SYT9: variants seen among roughly 807,000 people sequenced by gnomAD.
SYT9 encodes the protein synaptotagmin-9.
Under a neutral mutation model 48.4 loss-of-function variants are expected in SYT9, and 22 were observed. The ratio of observed to expected loss-of-function variants is 0.45; its 90% CI spans 0.32 to 0.65. The LOEUF is 0.65. Ranked by LOEUF, SYT9 falls within the 30% of genes least tolerant of loss-of-function variation. The probability of loss-of-function intolerance (pLI) is 0.03; values close to 1 mark genes in which losing one functional copy is unlikely to be tolerated. For synonymous variants in SYT9, 265 were observed against 245.0 expected (o/e 1.08, Z -0.76); for missense variants, 577 against 622.0 (o/e 0.93, Z 0.77).
At chr11:7,448,032 C>A (rs992781571) in intron 6 of SYT9, among the ~76,000 whole-genome samples, 1 of 152,248 alleles carries the variant, frequency 6.6e-6, no homozygotes, top group Non-Finnish European at 1.5e-5. Flanking sequence ...GAAAAACACC[C>A]TCACCAACAG....
chr11:7,424,866 G>T (rs1257126887), intron 6 of SYT9, among the ~76,000 whole-genome samples: 1 of 152,146 alleles, frequency 6.6e-6, no homozygotes, highest in Non-Finnish European at 1.5e-5. Context: ...CCAGCTCATT[G>T]AGCCTCCTGC....
At chr11:7,253,836 C>T (rs1182191223) in intron 1 of SYT9, among the ~76,000 whole-genome samples, 2 of 152,140 alleles carry the variant, frequency 1.3e-5, no homozygotes, top group African/African-American at 2.4e-5. Flanking sequence ...CGGGGAAGTT[C>T]GTCCTTAAGC....
At position 7,418,479 on chromosome 11, in the gene SYT9, G is replaced by A. The variant is rs149518959; in HGVS notation, c.1337+351G>A. Among the ~76,000 whole-genome samples, 733 of 152,326 alleles carry A rather than the reference G, an allele frequency of 4.8e-3. 3 individuals are homozygous for A. The highest frequency in any genetic ancestry group is 0.016 in the African/African-American group (670 of 41,570). On this transcript the variant is annotated intron_variant, in intron 5 of 6. Transcript: ENST00000318881. ...CACAGGTTTTATCTTCTGTCAGGCA[G>A]TGCTAACTGCCCTTCATTGGAAGGA... is the stretch of plus-strand genomic sequence containing the variant.
chr11:7,405,915 C>T (rs1456509344), intron 3 of SYT9, among the ~76,000 whole-genome samples: 2 of 152,062 alleles, frequency 1.3e-5, no homozygotes, highest in Non-Finnish European at 2.9e-5. Context: ...TGCTTGTTTT[C>T]ATTAGAAGAG....
chr11:7,395,835 T>G (rs2134067483), intron 3 of SYT9, among the ~76,000 whole-genome samples: 1 of 152,266 alleles, frequency 6.6e-6, no homozygotes, highest in Non-Finnish European at 1.5e-5. Flanking sequence ...CCATTTACAT[T>G]CATGGTTAAT....
At chr11:7,328,170 T>C (rs1470016394) in intron 3 of SYT9, among the ~76,000 whole-genome samples, 3 of 151,754 alleles carry the variant, frequency 2.0e-5, no homozygotes, top group Non-Finnish European at 2.9e-5. Flanking sequence ...ATTTCCTACA[T>C]CCTTATATTT....
At chr11:7,388,531 TTTG>T (rs1413070267) in intron 3 of SYT9, among the ~76,000 whole-genome samples, 2 of 152,150 alleles carry the variant, frequency 1.3e-5, no homozygotes, top group Non-Finnish European at 2.9e-5. Flanking sequence ...TTCTACTTAA[TTTG>T]TTGTTATGTT....
At chr11:7,421,810 A>T (rs1249482674) in intron 6 of SYT9, among the ~76,000 whole-genome samples, 3 of 152,238 alleles carry the variant, frequency 2.0e-5, no homozygotes, top group Non-Finnish European at 2.9e-5. Context: ...TGTAAAATAA[A>T]CAAAAGATGA....
chr11:7,422,073 C>T (rs114296124), intron 6 of SYT9, among the ~76,000 whole-genome samples: 1 of 152,204 alleles, frequency 6.6e-6, no homozygotes, highest in African/African-American at 2.4e-5. Context: ...GCAGGAAGCT[C>T]TCTTCCATGC....
In SYT9 at chr11:7,408,013, CTCTT is replaced by C. The variant is rs1157754702; in HGVS notation, c.1045-8027_1045-8024del. 3.9e-5 allele frequency among the ~76,000 whole-genome samples: 6 copies of C among 152,150 alleles called. No individual in the cohort carries two copies. In the East Asian group the frequency reaches 1.2e-3, roughly 29 times the overall value. On this transcript the variant is annotated intron_variant, in intron 3 of 6. Coordinates refer to ENST00000318881, the MANE Select transcript of SYT9 (RefSeq NM_175733.4). ...CAGAATTGCTTTGGCTATTCAGGCT[CTCTT>C]TTGGTATTATACACATTGTAGGATT...
chr11:7,404,030 G>T (rs1254058450), intron 3 of SYT9, among the ~76,000 whole-genome samples: 2 of 151,898 alleles, frequency 1.3e-5, no homozygotes, highest in African/African-American at 4.8e-5. Context: ...AGCTCTATTT[G>T]TCCCTGGTAA....
At chr11:7,390,633 G>A (rs1323451127) in intron 3 of SYT9, among the ~76,000 whole-genome samples, 3 of 152,118 alleles carry the variant, frequency 2.0e-5, no homozygotes, top group Non-Finnish European at 4.4e-5. Context: ...TCATTTAATT[G>A]ACAAATAGAA....
rs192181469 is a variant in SYT9, at chr11:7,467,253, A to T, written c.*453A>T. The T allele has an allele frequency of 8.4e-4, 132 of 157,040 alleles. 1 individual carries two copies. The highest frequency in any genetic ancestry group is 2.9e-3 in the African/African-American group (122 of 41,704). The allele number at this position is 157,040 out of a possible 1,614,324, so 9.7% of individuals were successfully genotyped here. ...AGGTGCTAAATAGGCAGCAGATCTCAATTCACACATGACTACCTTTGAGCT... is the reference window on the plus strand; with the variant it reads ...AGGTGCTAAATAGGCAGCAGATCTCTATTCACACATGACTACCTTTGAGCT... On this transcript the variant is annotated 3_prime_UTR_variant, in exon 7 of 7. Coordinates refer to ENST00000318881, the MANE Select transcript of SYT9 (RefSeq NM_175733.4).
chr11:7,357,424 C>G (rs892308478), intron 3 of SYT9, among the ~76,000 whole-genome samples: 2 of 152,088 alleles, frequency 1.3e-5, no homozygotes, highest in Non-Finnish European at 2.9e-5. Context: ...TAATTTTACA[C>G]TGGTCTTCAA....
At chr11:7,461,714 C>T (rs1166159308) in intron 6 of SYT9, among the ~76,000 whole-genome samples, 3 of 152,152 alleles carry the variant, frequency 2.0e-5, no homozygotes, top group African/African-American at 7.2e-5. Context: ...GCCCGGTGCT[C>T]AATAAATGTT....
chr11:7,349,198 G>A (rs1849861290), intron 3 of SYT9, among the ~76,000 whole-genome samples: 1 of 152,124 alleles, frequency 6.6e-6, no homozygotes, highest in African/African-American at 2.4e-5. Context: ...GGGGACTGGG[G>A]GGAGGGGAAA....
At chr11:7,334,749 G>A (rs1271125798) in intron 3 of SYT9, among the ~76,000 whole-genome samples, 3 of 133,132 alleles carry the variant, frequency 2.3e-5, no homozygotes, top group Non-Finnish European at 3.3e-5. Flanking sequence ...AAGGTACTCC[G>A]CTTTTACTTC....
chr11:7,332,793 T>C (rs547939977), intron 3 of SYT9, among the ~76,000 whole-genome samples: 1 of 152,222 alleles, frequency 6.6e-6, no homozygotes, highest in Admixed American at 6.5e-5. Flanking sequence ...AGGGTTGAGC[T>C]AGATGAAAAA....
chr11:7,384,146 G>GAGAT (rs1348553991), intron 3 of SYT9, among the ~76,000 whole-genome samples: 1 of 151,420 alleles, frequency 6.6e-6, no homozygotes, highest in Non-Finnish European at 1.5e-5. Flanking sequence ...TACACTTGTG[G>GAGAT]AGATAATTAT....
Sources: allele counts gnomAD v4.1 joint callset (sites outside exome capture counted in the v4.1 genomes callset), GRCh38; gene constraint gnomAD v4.1.1; transcripts MANE v1.5; gene names NCBI Gene and HGNC (gene_info 2026-07-23, HGNC 2026-07-21).